The following FRMD4B variants were observed in gnomAD, a reference collection of about 807,000 sequenced individuals.
FRMD4B encodes the protein FERM domain-containing protein 4B.
A neutral mutation model predicts 141.5 loss-of-function variants in FRMD4B; 74 were observed. The observed-to-expected ratio is 0.52, with a 90% confidence interval of 0.43 to 0.63. The LOEUF is 0.63. FRMD4B is among the 30% of genes least tolerant of loss of function. The pLI, the probability that FRMD4B is intolerant of heterozygous loss-of-function variation, is 0.00. For missense variants in FRMD4B, 1,366 were observed against 1,253.4 expected (o/e 1.09, Z -1.36); for synonymous variants, 506 against 467.9 (o/e 1.08, Z -1.05).
chr3:69,364,538 C>T (rs1703579845), intron 1 of FRMD4B, among the ~76,000 whole-genome samples: 2 of 152,136 alleles, frequency 1.3e-5, no homozygotes, highest in South Asian at 4.2e-4. Context: ...TGGTTAAAGT[C>T]TATATACAAA....
At chr3:69,304,819 C>T (rs1049678595) in intron 3 of FRMD4B, among the ~76,000 whole-genome samples, 11 of 152,002 alleles carry the variant, frequency 7.2e-5, no homozygotes, top group African/African-American at 2.2e-4. Context: ...GGTGGGATAG[C>T]GTGTCAAAAT....
chr3:69,225,811 T>A (rs149101068), intron 7 of FRMD4B, among the ~76,000 whole-genome samples: 1 of 150,146 alleles, frequency 6.7e-6, no homozygotes, highest in East Asian at 2.0e-4. Flanking sequence ...GGACATAATC[T>A]ATGAGGAAAT....
At chr3:69,349,887 G>A (rs956843535) in intron 1 of FRMD4B, among the ~76,000 whole-genome samples, 8 of 152,042 alleles carry the variant, frequency 5.3e-5, no homozygotes, top group Admixed American at 2.6e-4. Context: ...GAAAACCTAG[G>A]CAATACCATT....
chr3:69,354,290 C>T (rs1340049545), intron 1 of FRMD4B, among the ~76,000 whole-genome samples: 1 of 152,008 alleles, frequency 6.6e-6, no homozygotes, highest in East Asian at 1.9e-4. Flanking sequence ...ATACATTATG[C>T]TTGAAGGCAG....
intron 1 of FRMD4B, among the ~76,000 whole-genome samples, chr3:69,359,308 C>A (rs1377665747): frequency 6.6e-6 from 1 of 152,170 alleles, no homozygotes; most frequent in Non-Finnish European, 1.5e-5. Context: ...GAGCCAGCCA[C>A]AGGTTAGTTG....
At chr3:69,249,305 G>A in intron 6 of FRMD4B, 57 bp from the exon 7 acceptor site, 1 of 1,199,402 alleles carries the variant, frequency 8.3e-7, no homozygotes, top group South Asian at 1.3e-5. Flanking sequence ...TAAGCTAAAT[G>A]AGTTTTATCT....
intron 1 of FRMD4B, chr3:69,377,069 T>C (rs1262854275): frequency 1.3e-5 from 2 of 152,188 alleles, no homozygotes; most frequent in Admixed American, 6.5e-5. Flanking sequence ...GGACTAATTT[T>C]GTTGAGTTTA....
intron 1 of FRMD4B, among the ~76,000 whole-genome samples, chr3:69,383,178 G>A (rs574276840): frequency 3.9e-5 from 6 of 152,032 alleles, no homozygotes; most frequent in South Asian, 2.1e-4. Flanking sequence ...ACTTACCCAC[G>A]GTCATACATA....
intron 11 of FRMD4B, among the ~76,000 whole-genome samples, chr3:69,210,168 A>C (rs867592642): frequency 2.0e-4 from 30 of 152,336 alleles, no homozygotes; most frequent in African/African-American, 7.0e-4. Context: ...GCATGATATA[A>C]GGCAAAAAGA....
intron 5 of FRMD4B, among the ~76,000 whole-genome samples, chr3:69,258,415 G>A (rs1205746642): frequency 6.6e-6 from 1 of 151,954 alleles, no homozygotes; most frequent in Admixed American, 6.6e-5. Context: ...TTTCACTAAT[G>A]TTTTCATCTT....
chr3:69,478,879 C>G, intron 1 of FRMD4B, among the ~76,000 whole-genome samples: 1 of 151,586 alleles, frequency 6.6e-6, no homozygotes. Flanking sequence ...CTTTATGAAT[C>G]TGGGTGCTCC....
At chr3:69,350,430 T>A (rs1448188980) in intron 1 of FRMD4B, among the ~76,000 whole-genome samples, 3 of 152,268 alleles carry the variant, frequency 2.0e-5, no homozygotes, top group Non-Finnish European at 4.4e-5. Flanking sequence ...TCCTCAGGGA[T>A]CTAGCAGTAG....
At chr3:69,331,981 G>A (rs928394476) in intron 1 of FRMD4B, among the ~76,000 whole-genome samples, 1 of 152,206 alleles carries the variant, frequency 6.6e-6, no homozygotes, top group East Asian at 1.9e-4. Flanking sequence ...CCAGCCACTC[G>A]GGATGCTGAG....
chr3:69,460,684 A>G (rs1324572175), intron 1 of FRMD4B, among the ~76,000 whole-genome samples: 1 of 152,188 alleles, frequency 6.6e-6, no homozygotes, highest in African/African-American at 2.4e-5. Context: ...TACTTAACCA[A>G]AGCAACCATA....
At chr3:69,282,448 C>T (rs1307173455) in intron 5 of FRMD4B, among the ~76,000 whole-genome samples, 5 of 152,086 alleles carry the variant, frequency 3.3e-5, no homozygotes, top group Admixed American at 6.5e-5. Flanking sequence ...AATCCACCTA[C>T]GAGTGTTCTA....
chr3:69,252,632 G>T (rs1051200980), intron 5 of FRMD4B, among the ~76,000 whole-genome samples: 2 of 152,138 alleles, frequency 1.3e-5, no homozygotes, highest in Non-Finnish European at 2.9e-5. Context: ...AACACTATTT[G>T]CCCAGTTCTC....
intron 2 of FRMD4B, among the ~76,000 whole-genome samples, chr3:69,409,439 C>G (rs1358849781): frequency 1.3e-5 from 2 of 152,236 alleles, no homozygotes; most frequent in Non-Finnish European, 2.9e-5. Flanking sequence ...AGTGCATCAT[C>G]TGTCCTCATA....
chr3:69,402,519 C>G (rs953104904), intron 2 of FRMD4B, among the ~76,000 whole-genome samples: 3 of 152,124 alleles, frequency 2.0e-5, no homozygotes, highest in African/African-American at 7.2e-5. Flanking sequence ...TAATGATATA[C>G]TTTACACTGG....
At chr3:69,185,629 C>A (rs1394186029) in intron 19 of FRMD4B, among the ~76,000 whole-genome samples, 2 of 152,096 alleles carry the variant, frequency 1.3e-5, no homozygotes, top group African/African-American at 4.8e-5. Flanking sequence ...GTCCCTGGCC[C>A]TCAGTGTGCT....
Sources: gnomAD v4.1 joint callset for allele counts (sites outside exome capture counted in the v4.1 genomes callset) on GRCh38, gnomAD v4.1.1 for gene constraint, MANE v1.5 for transcripts, NCBI Gene and HGNC (gene_info 2026-07-23, HGNC 2026-07-21) for gene names.